Variants in KIAA1958 observed in about 807,000 individuals in gnomAD.
KIAA1958 encodes KIAA1958.
Under a neutral mutation model 47.2 loss-of-function variants are expected in KIAA1958, and 14 were observed. The ratio of observed to expected loss-of-function variants is 0.30; its 90% CI spans 0.20 to 0.46. KIAA1958 has a LOEUF of 0.46. KIAA1958 is among the 20% of genes least tolerant of loss of function. KIAA1958 has a pLI of 1.00. For missense variants in KIAA1958, 803 were observed against 909.2 expected (o/e 0.88, Z 1.50); for synonymous variants, 354 against 353.3 (o/e 1.00, Z -0.02).
At chr9:112,507,213 G>A (rs1834248153) in intron 1 of KIAA1958, among the ~76,000 whole-genome samples, 1 of 152,148 alleles carries the variant, frequency 6.6e-6, no homozygotes, top group South Asian at 2.1e-4. Flanking sequence ...GGTCCAAGGG[G>A]TGGCATATGA....
rs574990998 is a variant in KIAA1958 at position 112,539,190 on chromosome 9, C to T, written c.-24-34867C>T. ...ACCATATGACACAGCAGTTCAGCTC[C>T]TAGGTTTATACCTGAGACTATTGGA... On this transcript the variant is annotated intron_variant, in intron 1 of 3. Transcript: ENST00000337530. Among the ~76,000 whole-genome samples, 3 of 152,328 alleles carry T rather than the reference C, an allele frequency of 2.0e-5. No homozygotes were observed. In the South Asian group the frequency reaches 6.2e-4, roughly 32 times the overall value.
Position 112,645,646 on chromosome 9 carries a change from C to T in KIAA1958, c.1172-4C>T. 1.3e-6 allele frequency: 2 copies of T among 1,563,340 alleles called. No homozygotes were observed. Among genetic ancestry groups the T allele is most frequent in the South Asian group, 2.3e-5 (2 of 86,658 alleles). On this transcript the variant is annotated splice_region_variant and splice_polypyrimidine_tract_variant and intron_variant, in intron 2 of 3. Transcript: ENST00000337530. ...TTTAATGCTTTTATTGTTTTTATTT[C>T]TAGCTTATTCCACTAAGCTCAACAA...
chr9:112,589,584 A>G (rs2131188738), intron 2 of KIAA1958, among the ~76,000 whole-genome samples: 1 of 152,368 alleles, frequency 6.6e-6, no homozygotes, highest in Middle Eastern at 3.4e-3. Flanking sequence ...CTCTGTCTCA[A>G]AAAAAGAGAA....
At chr9:112,504,296 C>T (rs953117776) in intron 1 of KIAA1958, among the ~76,000 whole-genome samples, 3 of 151,774 alleles carry the variant, frequency 2.0e-5, no homozygotes, top group Non-Finnish European at 4.4e-5. Context: ...AAGCAATTCT[C>T]ATGCCTCAGC....
intron 2 of KIAA1958, among the ~76,000 whole-genome samples, chr9:112,627,240 C>A (rs1836632750): frequency 6.6e-6 from 1 of 152,162 alleles, no homozygotes; most frequent in African/African-American, 2.4e-5. Context: ...AGAAAGAAAG[C>A]AAGAATTCTG....
In KIAA1958 at chr9:112,660,619, G is replaced by A. The variant is rs925898520; in HGVS notation, c.*550G>A. On this transcript the variant is annotated 3_prime_UTR_variant, in exon 4 of 4. Coordinates refer to ENST00000337530, the MANE Select transcript of KIAA1958 (RefSeq NM_133465.4). ...TCTGGAGGGCAGGCAGCCTTGTGTC[G>A]GGGAGTATCCTCAAGCGACACTTGG... 3 of 156,154 alleles carry A rather than the reference G, an allele frequency of 1.9e-5. No homozygotes were observed. The highest frequency in any genetic ancestry group is 7.2e-5 in the African/African-American group (3 of 41,406). 9.7% of individuals were successfully genotyped at this position (156,154 alleles called of 1,614,324 possible).
chr9:112,623,294 A>G (rs1280382645), intron 2 of KIAA1958, among the ~76,000 whole-genome samples: 1 of 152,208 alleles, frequency 6.6e-6, no homozygotes, highest in Non-Finnish European at 1.5e-5. Context: ...AATTCTCACA[A>G]TAGTCCCATT....
At chr9:112,503,522 A>C (rs1482979380) in intron 1 of KIAA1958, among the ~76,000 whole-genome samples, 1 of 148,456 alleles carries the variant, frequency 6.7e-6, no homozygotes, top group Non-Finnish European at 1.5e-5. Context: ...GGTCGTGCAT[A>C]CCTGTAGTCC....
intron 2 of KIAA1958, among the ~76,000 whole-genome samples, chr9:112,613,750 T>TA (rs1836365827): frequency 6.6e-6 from 1 of 152,170 alleles, no homozygotes; most frequent in African/African-American, 2.4e-5. Context: ...CCAGAATGGT[T>TA]AAAGTAAGAA....
At chr9:112,604,101 G>C (rs894979729) in intron 2 of KIAA1958, among the ~76,000 whole-genome samples, 1 of 152,170 alleles carries the variant, frequency 6.6e-6, no homozygotes, top group Non-Finnish European at 1.5e-5. Flanking sequence ...TGTAGCAATA[G>C]AAGCAAATGG....
chr9:112,650,836 T>C lies in KIAA1958; in HGVS notation c.1344+5014T>C, dbSNP rs564909464. 8.3e-4 allele frequency among the ~76,000 whole-genome samples: 127 copies of C among 152,244 alleles called. 1 individual carries two copies. The highest frequency in any genetic ancestry group is 2.9e-3 in the African/African-American group (121 of 41,542). On this transcript the variant is annotated intron_variant, in intron 3 of 3. Coordinates refer to ENST00000337530, the MANE Select transcript of KIAA1958 (RefSeq NM_133465.4). Reference sequence around the variant, plus strand: ...AGACTGAGAAATGTTAAAAGTAAAGTGATGGGAGAAAGATATACTATGCAA... The same window carrying C: ...AGACTGAGAAATGTTAAAAGTAAAGCGATGGGAGAAAGATATACTATGCAA...
At chr9:112,544,659 G>T (rs1021356867) in intron 1 of KIAA1958, among the ~76,000 whole-genome samples, 2 of 152,178 alleles carry the variant, frequency 1.3e-5, no homozygotes, top group African/African-American at 2.4e-5. Context: ...GAGAGTCAAG[G>T]TCAGTGGAAA....
chr9:112,603,223 A>T (rs1836165594), intron 2 of KIAA1958, among the ~76,000 whole-genome samples: 2 of 152,102 alleles, frequency 1.3e-5, no homozygotes, highest in Admixed American at 1.3e-4. Flanking sequence ...ATTTTTTTTT[A>T]AAGCACCTTA....
intron 1 of KIAA1958, among the ~76,000 whole-genome samples, chr9:112,494,187 C>T (rs1834015571): frequency 6.6e-6 from 1 of 152,060 alleles, no homozygotes. Context: ...TATTTAAAGC[C>T]AATAATTTTA....
At chr9:112,603,014 T>A (rs950314722) in intron 2 of KIAA1958, among the ~76,000 whole-genome samples, 1 of 152,176 alleles carries the variant, frequency 6.6e-6, no homozygotes, top group African/African-American at 2.4e-5. Flanking sequence ...CTACTACTTT[T>A]TTCAAGTGCT....
intron 2 of KIAA1958, among the ~76,000 whole-genome samples, chr9:112,620,913 T>C (rs1203008496): frequency 6.6e-6 from 1 of 152,206 alleles, no homozygotes; most frequent in Non-Finnish European, 1.5e-5. Flanking sequence ...TCTTCAGACA[T>C]ATTGCAGTAC....
intron 1 of KIAA1958, among the ~76,000 whole-genome samples, chr9:112,550,264 T>C (rs1835119107): frequency 1.3e-5 from 2 of 150,862 alleles, no homozygotes; most frequent in African/African-American, 2.5e-5. Flanking sequence ...GGTAAAGCAC[T>C]ATGGCTGAGA....
At chr9:112,584,066 A>G (rs530508932) in intron 2 of KIAA1958, among the ~76,000 whole-genome samples, 1 of 147,494 alleles carries the variant, frequency 6.8e-6, no homozygotes, top group East Asian at 2.0e-4. Flanking sequence ...CCAGTCTCTT[A>G]AAAAAAAAAA....
At position 112,573,768 on chromosome 9, in the gene KIAA1958, C is replaced by T. The variant is rs557214464; in HGVS notation, c.-24-289C>T. The stretch of plus-strand genomic sequence containing the variant: ...GCTCATTTCTTTATTGCTTGTTTCT[C>T]TTTTTCTTTCTCTCCTTTCTTTCCC... On this transcript the variant is annotated intron_variant, in intron 1 of 3. Coordinates refer to ENST00000337530, the MANE Select transcript of KIAA1958 (RefSeq NM_133465.4). Among the ~76,000 whole-genome samples, 2 of 152,278 alleles carry T rather than the reference C, an allele frequency of 1.3e-5. 1 individual carries two copies. The highest frequency in any genetic ancestry group is 4.1e-4 in the South Asian group (2 of 4,826).
Sources: gnomAD v4.1 joint callset for allele counts (sites outside exome capture counted in the v4.1 genomes callset) on GRCh38, gnomAD v4.1.1 for gene constraint, MANE v1.5 for transcripts, NCBI Gene and HGNC (gene_info 2026-07-23, HGNC 2026-07-21) for gene names.